Variants in KLHL29 observed in about 807,000 individuals in gnomAD.
The protein encoded by KLHL29 is kelch-like protein 29.
A neutral mutation model predicts 80.4 loss-of-function variants in KLHL29; 21 were observed. The observed-to-expected ratio is 0.26, with a 90% CI of 0.19 to 0.38. The LOEUF is 0.38. Among genes scored for constraint, KLHL29 ranks in the 10% least tolerant of loss-of-function variants. KLHL29 has a pLI of 1.00. For synonymous variants in KLHL29, 511 were observed against 526.8 expected (o/e 0.97, Z 0.41); for missense variants, 867 against 1,223.9 (o/e 0.71, Z 4.35).
At chr2:23,488,457 A>C (rs1205647151) in intron 2 of KLHL29, among the ~76,000 whole-genome samples, 4 of 152,218 alleles carry the variant, frequency 2.6e-5, no homozygotes, top group African/African-American at 4.8e-5. Context: ...CTCTTGGCAG[A>C]ACTGGCTACA....
intron 2 of KLHL29, among the ~76,000 whole-genome samples, chr2:23,521,003 C>CT (rs1553334477): frequency 2.6e-5 from 4 of 151,274 alleles, no homozygotes; most frequent in African/African-American, 7.3e-5. Context: ...CCCCCCCCCC[C>CT]GCTCCCCCTC....
chr2:23,474,671 C>T (rs866035215), intron 1 of KLHL29, among the ~76,000 whole-genome samples: 2 of 152,046 alleles, frequency 1.3e-5, no homozygotes, highest in East Asian at 1.9e-4. Context: ...GAGAAAGACT[C>T]GTTGCGTTGT....
chr2:23,436,577 C>T (rs555753177), intron 1 of KLHL29, among the ~76,000 whole-genome samples: 1 of 151,106 alleles, frequency 6.6e-6, no homozygotes, highest in South Asian at 2.1e-4. Flanking sequence ...CTGGGCGGCT[C>T]TTGTCGTTAG....
intron 2 of KLHL29, among the ~76,000 whole-genome samples, chr2:23,541,772 CAA>C: frequency 7.3e-6 from 1 of 137,620 alleles, no homozygotes. Context: ...ACCCAAAAAA[CAA>C]AAAAAAAAAA....
chr2:23,658,565 G>A (rs1287909106), intron 5 of KLHL29, among the ~76,000 whole-genome samples: 2 of 152,212 alleles, frequency 1.3e-5, no homozygotes, highest in Non-Finnish European at 2.9e-5. Flanking sequence ...GGCCGAAGCA[G>A]TCTGGAGGGG....
chr2:23,574,739 C>CA (rs1396627453), intron 3 of KLHL29, among the ~76,000 whole-genome samples: 1 of 152,086 alleles, frequency 6.6e-6, no homozygotes, highest in Admixed American at 6.6e-5. Context: ...AAAGAAAACT[C>CA]AAAGAATAAT....
rs1667716492 is a variant in KLHL29, at chr2:23,571,482, C to T, written c.285+9001C>T. Among the ~76,000 whole-genome samples, 5 of 152,172 alleles carry T rather than the reference C, an allele frequency of 3.3e-5. No individual in the cohort carries two copies. In the South Asian group the frequency reaches 1.0e-3, roughly 32 times the overall value. On this transcript the variant is annotated intron_variant, in intron 3 of 13. Coordinates refer to ENST00000486442, the MANE Select transcript of KLHL29 (RefSeq NM_052920.2). ...CTCGCAGGCTCAGAGAAAAGTGAAC[C>T]CCAGCCCCTGCCGAGAATATGATTC...
chr2:23,614,152 C>G lies in KLHL29; in HGVS notation c.286-24987C>G, dbSNP rs772851296. On this transcript the variant is annotated intron_variant, in intron 3 of 13. Transcript: ENST00000486442. ...GCTTACCTACCTATGACTTGGAAACCCCCTTCCTGCTTTGAGTTGTCCCAC... is the reference window on the plus strand; with the variant it reads ...GCTTACCTACCTATGACTTGGAAACGCCCTTCCTGCTTTGAGTTGTCCCAC... Among the ~76,000 whole-genome samples, 192 of 152,256 alleles carry G rather than the reference C, an allele frequency of 1.3e-3. 1 individual carries two copies. Among genetic ancestry groups the G allele is most frequent in the Non-Finnish European group, 3.5e-4 (24 of 68,022 alleles).
At chr2:23,633,308 T>G (rs1257141654) in intron 3 of KLHL29, among the ~76,000 whole-genome samples, 1 of 152,182 alleles carries the variant, frequency 6.6e-6, no homozygotes, top group Non-Finnish European at 1.5e-5. Flanking sequence ...AGTTCTGGCA[T>G]TTATGTAATT....
At chr2:23,553,809 C>T (rs899375688) in intron 2 of KLHL29, among the ~76,000 whole-genome samples, 2 of 152,220 alleles carry the variant, frequency 1.3e-5, no homozygotes, top group Admixed American at 6.5e-5. Context: ...ATGCCCAGCC[C>T]TGTGCTCGGG....
chr2:23,664,639 T>C (rs1467597814), intron 5 of KLHL29, among the ~76,000 whole-genome samples: 1 of 152,236 alleles, frequency 6.6e-6, no homozygotes, highest in Non-Finnish European at 1.5e-5. Context: ...ACCATAAACC[T>C]GTATCCAGTG....
chr2:23,535,956 A>G (rs1352557751), intron 2 of KLHL29, among the ~76,000 whole-genome samples: 2 of 152,202 alleles, frequency 1.3e-5, no homozygotes, highest in African/African-American at 4.8e-5. Context: ...AAGAGCAACG[A>G]AAGAATCCCA....
At chr2:23,411,550 T>G (rs1489821850) in intron 1 of KLHL29, among the ~76,000 whole-genome samples, 1 of 151,992 alleles carries the variant, frequency 6.6e-6, no homozygotes, top group African/African-American at 2.4e-5. Flanking sequence ...AAGAGAGTTG[T>G]GAGGTCGGCC....
chr2:23,501,347 G>A (rs1406360869), intron 2 of KLHL29, among the ~76,000 whole-genome samples: 1 of 152,084 alleles, frequency 6.6e-6, no homozygotes, highest in Non-Finnish European at 1.5e-5. Context: ...ATGCCCTGTA[G>A]TGTCAGCTGG....
At chr2:23,545,936 A>C (rs986918113) in intron 2 of KLHL29, among the ~76,000 whole-genome samples, 1 of 152,188 alleles carries the variant, frequency 6.6e-6, no homozygotes, top group East Asian at 1.9e-4. Flanking sequence ...GTTGAGCCCC[A>C]GACAGTGGGT....
In KLHL29 at chr2:23,696,402, T is replaced by C; in HGVS notation, c.1994T>C (p.Leu665Pro). The C allele has an allele frequency of 6.4e-7, 1 of 1,551,464 alleles. No individual in the cohort carries two copies. The highest frequency in any genetic ancestry group is 8.7e-7 in the Non-Finnish European group (1 of 1,146,888). Residue 665 changes from leucine (L) to proline (P), a missense_variant, in exon 11 of 14, where the codon CTC becomes CCC. By Grantham distance (98) the Leu-to-Pro change is moderately conservative. Coordinates refer to ENST00000486442, the MANE Select transcript of KLHL29 (RefSeq NM_052920.2). This position sits in a 1 kb window ranked among gnomAD's most constrained non-coding sequence, Gnocchi z 5.5. ...CYMSLLDNWN[L>P]VSRMTVPRCR... The stretch of plus-strand genomic sequence containing the variant: ...ATGTCCCTGCTTGATAACTGGAACC[T>C]CGTCTCCAGAATGACAGTCCCCCGC...
intron 3 of KLHL29, among the ~76,000 whole-genome samples, chr2:23,614,133 C>G (rs907526124): frequency 1.1e-4 from 16 of 152,202 alleles, no homozygotes; most frequent in African/African-American, 3.4e-4. Context: ...TGTCGCTTAC[C>G]TACCTATGAC....
intron 2 of KLHL29, among the ~76,000 whole-genome samples, chr2:23,543,123 C>T (rs540410054): frequency 2.6e-5 from 4 of 152,246 alleles, no homozygotes; most frequent in African/African-American, 7.2e-5. Flanking sequence ...CTGCCGTCTG[C>T]GCCTCATCCT....
intron 2 of KLHL29, among the ~76,000 whole-genome samples, chr2:23,504,807 C>T (rs1665552860): frequency 6.6e-6 from 1 of 152,238 alleles, no homozygotes; most frequent in African/African-American, 2.4e-5. Flanking sequence ...TCAGTCTGCT[C>T]AGGGGCCTTG....
Sources: allele counts gnomAD v4.1 joint callset (sites outside exome capture counted in the v4.1 genomes callset), GRCh38; gene constraint gnomAD v4.1.1; non-coding constraint Gnocchi (gnomAD v3.1); transcripts MANE v1.5; gene names NCBI Gene and HGNC (gene_info 2026-07-23, HGNC 2026-07-21).